GALNS: variants seen among roughly 807,000 people sequenced by gnomAD.
GALNS encodes galactosamine (N-acetyl)-6-sulfatase, also known as N-acetylgalactosamine-6-sulfatase.
A neutral mutation model predicts 65.9 loss-of-function variants in GALNS; 65 were observed. The ratio of observed to expected loss-of-function variants is 0.99; its 90% CI spans 0.81 to 1.21. The LOEUF is 1.21. Among genes scored for constraint, GALNS ranks in the 50% most tolerant of loss-of-function variants. The pLI, the probability that GALNS is intolerant of heterozygous loss-of-function variation, is 0.00. For missense variants in GALNS, 776 were observed against 700.7 expected (o/e 1.11, Z -1.21); for synonymous variants, 346 against 288.9 (o/e 1.20, Z -2.00).
Position 88,856,923 on chromosome 16 carries a change from C to T in GALNS, c.-46G>A. 6.7e-7 allele frequency: 1 copy of T among 1,482,958 alleles called. No homozygotes were observed. The highest frequency in any genetic ancestry group is 8.9e-7 in the Non-Finnish European group (1 of 1,125,012). The allele number at this position is 1,482,958 out of a possible 1,614,324, so 91.9% of individuals were successfully genotyped here. ...AGCCCCGGCCAGCGAGCCGACCTAG[C>T]GAGCGTCCGCCGGCCCTTCCGGCTG... is the stretch of plus-strand genomic sequence containing the variant. On this transcript the variant is annotated 5_prime_UTR_variant, in exon 1 of 14. Transcript: ENST00000268695.
chr16:88,836,988 G>A (rs950340722), intron 5 of GALNS, among the ~76,000 whole-genome samples: 1 of 152,250 alleles, frequency 6.6e-6, no homozygotes, highest in African/African-American at 2.4e-5. Context: ...GGGCTGCGTG[G>A]TGCGACTCCC....
intron 8 of GALNS, among the ~76,000 whole-genome samples, chr16:88,834,582 C>G (rs1423803877): frequency 8.7e-6 from 1 of 115,164 alleles, no homozygotes; most frequent in Non-Finnish European, 1.8e-5. Context: ...TCAGCGTGGT[C>G]TGGGAAGAGG....
chr16:88,844,004 G>C (rs1423257499), intron 1 of GALNS: 2 of 152,492 alleles, frequency 1.3e-5, no homozygotes, highest in South Asian at 4.1e-4. Flanking sequence ...GTGCTGGGGA[G>C]GGCCTGCTGA....
chr16:88,837,546 G>C, intron 5 of GALNS, 76 bp downstream of exon 5: 1 of 1,477,754 alleles, frequency 6.8e-7, no homozygotes, highest in South Asian at 1.1e-5. Flanking sequence ...GAGCCCACCA[G>C]TGCTAGAGGC....
Position 88,814,499 on chromosome 16 carries a change from C to A in GALNS, c.1509G>T (p.Lys503Asn), listed in dbSNP as rs1344680652. Residue 503 changes from lysine (K) to asparagine (N), a missense_variant, in exon 14 of 14, where the codon AAG becomes AAT. Coordinates refer to ENST00000268695, the MANE Select transcript of GALNS (RefSeq NM_000512.5). ...VMNWAPPGCE[K>N]LGKCLTPPES... ...CTGGAGGTGTCAGACACTTCCCTAA[C>A]TTTTCACAGCCCGGAGGTGCCCAGT... The A allele has an allele frequency of 6.4e-7, 1 of 1,560,342 alleles. No individual in the cohort carries two copies. The highest frequency in any genetic ancestry group is 8.7e-7 in the Non-Finnish European group (1 of 1,151,462).
chr16:88,817,914 C>G (rs1241945797), intron 13 of GALNS, 93 bp downstream of exon 13: 5 of 1,078,236 alleles, frequency 4.6e-6, no homozygotes, highest in Non-Finnish European at 6.8e-6. Context: ...GCACGCCTGC[C>G]TCTGCCCTGT....
intron 8 of GALNS, among the ~76,000 whole-genome samples, chr16:88,834,353 AG>A (rs1911845995): frequency 7.6e-6 from 1 of 132,076 alleles, no homozygotes; most frequent in Non-Finnish European, 1.6e-5. Context: ...AAGAGGCTGC[AG>A]GGCCCCCCCC....
At chr16:88,843,279 G>A (rs1967073151) in intron 1 of GALNS, 2 of 1,188,956 alleles carry the variant, frequency 1.7e-6, no homozygotes, top group Non-Finnish European at 2.2e-6. Flanking sequence ...CTGTCCCCCA[G>A]AAGCCCAGTT....
intron 1 of GALNS, chr16:88,855,982 T>C: frequency 1.7e-6 from 1 of 591,708 alleles, no homozygotes; most frequent in South Asian, 2.0e-5. Context: ...GGTTCAAGAA[T>C]GGAAGTGACC....
intron 1 of GALNS, among the ~76,000 whole-genome samples, chr16:88,854,310 G>GAA (rs1483441644): frequency 2.0e-5 from 3 of 152,202 alleles, no homozygotes; most frequent in Non-Finnish European, 2.9e-5. Flanking sequence ...GGCTGCGGAG[G>GAA]AAGCCCCGGA....
At chr16:88,849,928 A>C (rs1448826038) in intron 1 of GALNS, among the ~76,000 whole-genome samples, 1 of 152,220 alleles carries the variant, frequency 6.6e-6, no homozygotes, top group East Asian at 1.9e-4. Flanking sequence ...CAGTGGGCGA[A>C]TGCGCCCATG....
chr16:88,835,579 A>C (rs762132918), intron 7 of GALNS, 146 bp downstream of exon 7: 174 of 1,351,518 alleles, frequency 1.3e-4, no homozygotes, highest in Non-Finnish European at 1.7e-4. Flanking sequence ...TGCTGATCCC[A>C]GGCCAGTGGA....
At position 88,826,652 on chromosome 16, in the gene GALNS, G is replaced by C. The variant is rs934478129; in HGVS notation, c.1139+50C>G. The stretch of plus-strand genomic sequence containing the variant: ...GGTTGCACCTGATTAGCAGCTCTGG[G>C]CTTCACTACTTGGATCGGGGGAAGG... On this transcript the variant is annotated intron_variant, in intron 10 of 13. Transcript: ENST00000268695. 3.8e-6 allele frequency: 6 copies of C among 1,595,544 alleles called. No individual in the cohort carries two copies. The African/African-American group carries it at 8.0e-5, about 21-fold the overall frequency.
At chr16:88,852,650 C>T (rs757553095) in intron 1 of GALNS, among the ~76,000 whole-genome samples, 2 of 152,120 alleles carry the variant, frequency 1.3e-5, no homozygotes, top group East Asian at 1.9e-4. Flanking sequence ...AAAGATGAGA[C>T]GAATGGCTAA....
At chr16:88,844,397 G>C (rs571771369) in intron 1 of GALNS, 2 of 152,398 alleles carry the variant, frequency 1.3e-5, no homozygotes, top group East Asian at 3.9e-4. Context: ...TCTAGAAGGA[G>C]AAGGGGAGGG....
chr16:88,851,487 G>A (rs1324433750), intron 1 of GALNS, among the ~76,000 whole-genome samples: 2 of 152,166 alleles, frequency 1.3e-5, no homozygotes, highest in Non-Finnish European at 2.9e-5. Context: ...GAGGTGCCTG[G>A]TTCATCCTAC....
Position 88,837,300 on chromosome 16 carries a change from C to A in GALNS, c.566+322G>T, listed in dbSNP as rs9923565. 0.041 allele frequency among the ~76,000 whole-genome samples: 6,304 copies of A among 152,190 alleles called. 444 individuals are homozygous for A. The highest frequency in any genetic ancestry group is 0.14 in the African/African-American group (5,973 of 41,470). On this transcript the variant is annotated intron_variant, in intron 5 of 13. Coordinates refer to ENST00000268695, the MANE Select transcript of GALNS (RefSeq NM_000512.5). The stretch of plus-strand genomic sequence containing the variant: ...GTCTGGAGCACAGCCGGCCTCCCCA[C>A]CCGTAGACCACATGGGCAGTACCCT...
intron 13 of GALNS, chr16:88,816,780 G>C: frequency 2.0e-6 from 2 of 985,460 alleles, no homozygotes; most frequent in African/African-American, 3.5e-5. Flanking sequence ...GTCTGGCCCT[G>C]GAAAGAGGCT....
intron 1 of GALNS, among the ~76,000 whole-genome samples, chr16:88,846,447 G>A (rs1198896451): frequency 6.6e-6 from 1 of 151,686 alleles, no homozygotes. Context: ...AGGGAGCGAG[G>A]TCCTGCCCAC....
Sources: gnomAD v4.1 joint callset for allele counts (sites outside exome capture counted in the v4.1 genomes callset) on GRCh38, gnomAD v4.1.1 for gene constraint, MANE v1.5 for transcripts, NCBI Gene and HGNC (gene_info 2026-07-23, HGNC 2026-07-21) for gene names.